Variants in CADM2 observed in about 807,000 individuals in gnomAD.
The protein encoded by CADM2 is cell adhesion molecule 2.
CADM2 carries 12 observed loss-of-function variants against 49.8 expected under a neutral mutation model. That is an observed-to-expected ratio of 0.24 (90% CI 0.15 to 0.39). The LOEUF (loss-of-function observed/expected upper bound fraction) is 0.39. Ranked by LOEUF, CADM2 falls within the 10% of genes least tolerant of loss-of-function variation. The pLI, the probability that CADM2 is intolerant of heterozygous loss-of-function variation, is 1.00. For synonymous variants in CADM2, 214 were observed against 175.4 expected, an observed-to-expected ratio of 1.22 and a Z score of -1.74; for missense variants, 378 against 492.3, an observed-to-expected ratio of 0.77 and a Z score of 2.20.
intron 1 of CADM2, among the ~76,000 whole-genome samples, chr3:85,256,209 C>T (rs2042882242): frequency 6.6e-6 from 1 of 152,070 alleles, no homozygotes; most frequent in Admixed American, 6.6e-5. Context: ...TGGACTTCTA[C>T]TTCACAGTTC....
chr3:85,764,156 A>G (rs985363222), intron 2 of CADM2, among the ~76,000 whole-genome samples: 3 of 152,122 alleles, frequency 2.0e-5, no homozygotes, highest in Admixed American at 2.0e-4. Context: ...TCTAATTTGT[A>G]TCTTTTTTCT....
Position 86,014,746 on chromosome 3 carries a change from C to T in CADM2, c.971-50859C>T, listed in dbSNP as rs548857925. The T allele has an allele frequency of 2.8e-5, 41 of 1,489,646 alleles. No homozygotes were observed. In the South Asian group the frequency reaches 3.3e-4, roughly 12 times the overall value. 92.3% of individuals were successfully genotyped at this position (1,489,646 alleles called of 1,614,324 possible). Reference sequence around the variant, plus strand: ...AGAAGTGACTTACCCAATACTGACACGCTCTCAGCCAAGCTTCACTGTTGG... The same window carrying T: ...AGAAGTGACTTACCCAATACTGACATGCTCTCAGCCAAGCTTCACTGTTGG... On this transcript the variant is annotated intron_variant, in intron 8 of 9. Transcript: ENST00000383699.
intron 2 of CADM2, among the ~76,000 whole-genome samples, chr3:85,784,029 C>A (rs1307500262): frequency 6.6e-6 from 1 of 152,166 alleles, no homozygotes; most frequent in Non-Finnish European, 1.5e-5. Context: ...CTATTGATCT[C>A]TCTCTCACAC....
intron 1 of CADM2, among the ~76,000 whole-genome samples, chr3:85,480,251 A>G (rs1246201041): frequency 6.6e-6 from 1 of 151,910 alleles, no homozygotes; most frequent in African/African-American, 2.4e-5. Context: ...TCCATTATAA[A>G]TTTAGATTTT....
At chr3:85,084,512 G>A (rs2037297410) in intron 1 of CADM2, among the ~76,000 whole-genome samples, 2 of 152,160 alleles carry the variant, frequency 1.3e-5, no homozygotes, top group Admixed American at 6.6e-5. Context: ...AGCCACATGA[G>A]TGATGGGGCT....
chr3:85,720,420 A>G (rs1401247133), intron 1 of CADM2, among the ~76,000 whole-genome samples: 1 of 152,154 alleles, frequency 6.6e-6, no homozygotes, highest in Admixed American at 6.5e-5. Context: ...CAGAATGGTG[A>G]CTTTCTAATT....
At chr3:86,014,452 C>A in intron 8 of CADM2, 1 of 1,491,306 alleles carries the variant, frequency 6.7e-7, no homozygotes, top group Non-Finnish European at 9.0e-7. Flanking sequence ...TTTGAGGAAG[C>A]CACAAATTTG....
chr3:85,591,944 C>G (rs895756179), intron 1 of CADM2, among the ~76,000 whole-genome samples: 1 of 151,788 alleles, frequency 6.6e-6, no homozygotes, highest in South Asian at 2.1e-4. Context: ...ATAGGCCAGG[C>G]AATGAAACAC....
At chr3:85,679,005 A>C (rs562964173) in intron 1 of CADM2, among the ~76,000 whole-genome samples, 2 of 152,298 alleles carry the variant, frequency 1.3e-5, no homozygotes. Context: ...GAGAAACCAC[A>C]ATGTAAGGTT....
rs370191126 is a variant in CADM2 at position 85,949,269 on chromosome 3, A to C, written c.792-12200A>C. Reference sequence around the variant, plus strand: ...GAAAGAGTAAAGAAAATGTCACAGAATATAAGAGAAAGCAAGCTATTATTT... The same window carrying C: ...GAAAGAGTAAAGAAAATGTCACAGACTATAAGAGAAAGCAAGCTATTATTT... On this transcript the variant is annotated intron_variant, in intron 7 of 9. Coordinates refer to ENST00000383699, the MANE Select transcript of CADM2 (RefSeq NM_001167675.2). 2.8e-3 allele frequency among the ~76,000 whole-genome samples: 422 copies of C among 151,560 alleles called. 1 individual carries two copies. The highest frequency in any genetic ancestry group is 4.7e-3 in the Non-Finnish European group (318 of 67,632).
intron 3 of CADM2, among the ~76,000 whole-genome samples, chr3:85,806,764 A>AAAAC (rs145961476): frequency 0.054 from 8,191 of 152,064 alleles, 622 homozygotes; most frequent in African/African-American, 0.17. Flanking sequence ...ACAAACAAAC[A>AAAAC]AAACAAACAA....
intron 3 of CADM2, among the ~76,000 whole-genome samples, chr3:85,848,432 A>G (rs1218176351): frequency 6.6e-6 from 1 of 152,144 alleles, no homozygotes; most frequent in African/African-American, 2.4e-5. Context: ...CATTTTGAGA[A>G]GGAGATAATT....
intron 9 of CADM2, among the ~76,000 whole-genome samples, 173 bp from the exon 10 acceptor site, chr3:86,066,492 C>T (rs934346895): frequency 6.6e-6 from 1 of 152,100 alleles, no homozygotes; most frequent in Non-Finnish European, 1.5e-5. Flanking sequence ...CATAACTTCA[C>T]CTGCAGCGTA....
intron 1 of CADM2, among the ~76,000 whole-genome samples, chr3:85,613,947 C>T (rs62263915): frequency 0.53 from 79,574 of 151,112 alleles, 23,669 homozygotes; most frequent in East Asian, 0.81. Flanking sequence ...TAGTTTTGCA[C>T]GTAATAAATA....
intron 3 of CADM2, among the ~76,000 whole-genome samples, chr3:85,852,184 A>G (rs1036520650): frequency 3.3e-5 from 5 of 152,082 alleles, no homozygotes; most frequent in African/African-American, 1.2e-4. Context: ...TTTTAAATAT[A>G]CCATCTATAT....
At chr3:85,622,718 TCC>T (rs2064011326) in intron 1 of CADM2, among the ~76,000 whole-genome samples, 1 of 152,122 alleles carries the variant, frequency 6.6e-6, no homozygotes, top group African/African-American at 2.4e-5. Flanking sequence ...AATCAGAATA[TCC>T]CAGCCCCGCT....
rs186945823 is a variant in CADM2 at position 86,041,835 on chromosome 3, A to G, written c.971-23770A>G. Among the ~76,000 whole-genome samples, 495 of 152,242 alleles carry G rather than the reference A, an allele frequency of 3.3e-3. 4 individuals carry two copies. The highest frequency in any genetic ancestry group is 0.01 in the Middle Eastern group (3 of 294). On this transcript the variant is annotated intron_variant, in intron 8 of 9. Transcript: ENST00000383699. ...AATTGACAACATAGTTGGAAGTAAA[A>G]CACTCCTCAGCAAATGTAAAAGAAC...
At chr3:85,013,643 ATATGG>A (rs1020073932) in intron 1 of CADM2, among the ~76,000 whole-genome samples, 1 of 151,380 alleles carries the variant, frequency 6.6e-6, no homozygotes, top group African/African-American at 2.4e-5. Flanking sequence ...TTCATTATAA[ATATGG>A]TTAATGGTAA....
chr3:85,461,525 G>A (rs1365548364), intron 1 of CADM2, among the ~76,000 whole-genome samples: 2 of 152,112 alleles, frequency 1.3e-5, no homozygotes, highest in Non-Finnish European at 2.9e-5. Context: ...TGAATATGCA[G>A]TCATGTCATA....
Sources: gnomAD v4.1 joint callset for allele counts (sites outside exome capture counted in the v4.1 genomes callset) on GRCh38, gnomAD v4.1.1 for gene constraint, MANE v1.5 for transcripts, NCBI Gene and HGNC (gene_info 2026-07-23, HGNC 2026-07-21) for gene names.